The following NANS variants were observed in gnomAD, a reference collection of about 807,000 sequenced individuals.
NANS encodes the protein N-acetylneuraminate-9-phosphate synthase.
In NANS, 29 loss-of-function variants were observed where a neutral mutation model predicts 33.3. The ratio of observed to expected loss-of-function variants is 0.87; its 90% CI spans 0.65 to 1.19. The LOEUF (loss-of-function observed/expected upper bound fraction) is 1.19, where lower values mean the gene tolerates loss of function less well. Among genes scored for constraint, NANS ranks in the 50% most tolerant of loss-of-function variants. NANS has a pLI of 0.00. For synonymous variants in NANS, 163 were observed against 177.2 expected (o/e 0.92, Z 0.64); for missense variants, 394 against 461.1 (o/e 0.85, Z 1.33).
At chr9:98,082,748 G>T in intron 5 of NANS, 98 bp from the exon 6 acceptor site, 2 of 1,155,638 alleles carry the variant, frequency 1.7e-6, no homozygotes, top group East Asian at 5.1e-5. Context: ...CCAAGGTACT[G>T]CCTGGGGAAG....
chr9:98,065,339 T>C (rs1176075095), intron 2 of NANS, among the ~76,000 whole-genome samples: 1 of 121,528 alleles, frequency 8.2e-6, no homozygotes, highest in East Asian at 2.1e-4. Context: ...TGAAACAGAG[T>C]TTCGTTATTG....
At chr9:98,072,820 A>G (rs1038354355) in intron 2 of NANS, among the ~76,000 whole-genome samples, 4 of 152,170 alleles carry the variant, frequency 2.6e-5, no homozygotes, top group Non-Finnish European at 5.9e-5. Flanking sequence ...AGTGGCTCCC[A>G]GTGTTTACCT....
chr9:98,078,162 G>C, intron 3 of NANS, 31 bp from the exon 4 acceptor site: 3 of 1,614,056 alleles, frequency 1.9e-6, no homozygotes, highest in Non-Finnish European at 2.5e-6. Context: ...TAAAGAGAAA[G>C]TGCTGATGGT....
intron 2 of NANS, among the ~76,000 whole-genome samples, chr9:98,065,184 G>T (rs574552319): frequency 6.6e-6 from 1 of 152,162 alleles, no homozygotes; most frequent in South Asian, 2.1e-4. Flanking sequence ...CACAGCCCAG[G>T]AGAGTTTCTG....
At chr9:98,061,142 C>G in intron 2 of NANS, 145 bp downstream of exon 2, 1 of 723,564 alleles carries the variant, frequency 1.4e-6, no homozygotes, top group Non-Finnish European at 2.3e-6. Context: ...GGCGCCAAAG[C>G]CCAGTGAGAA....
chr9:98,077,283 C>G (rs1344288999), intron 3 of NANS, among the ~76,000 whole-genome samples: 1 of 151,916 alleles, frequency 6.6e-6, no homozygotes, highest in African/African-American at 2.4e-5. Flanking sequence ...TTTCAATCAG[C>G]CTGTACTTCC....
chr9:98,078,285 T>C lies in NANS; in HGVS notation c.541T>C (p.Phe181Leu), dbSNP rs1829684150. Residue 181 changes from phenylalanine (F) to leucine (L), a missense_variant, in exon 4 of 6, where the codon TTC becomes CTC. By Grantham distance (22) the Phe-to-Leu change is conservative. Coordinates refer to ENST00000210444, the MANE Select transcript of NANS (RefSeq NM_018946.4). ...GAAGCCCCTCAACCCCAACTTCTGC[T>C]TCTTGCAGTGTACCAGCGCATACCC... is the stretch of plus-strand genomic sequence containing the variant. ...IVKPLNPNFC[F>L]LQCTSAYPLQ... 1 of 1,614,040 alleles carries C rather than the reference T, an allele frequency of 6.2e-7. No individual in the cohort carries two copies. Among genetic ancestry groups the C allele is most frequent in the African/African-American group, 1.3e-5 (1 of 74,984 alleles).
chr9:98,081,123 T>G, intron 5 of NANS, 41 bp downstream of exon 5: 1 of 1,608,198 alleles, frequency 6.2e-7, no homozygotes, highest in Non-Finnish European at 8.5e-7. Context: ...CTGCCGTGTG[T>G]GGAAAAAGGA....
intron 1 of NANS, among the ~76,000 whole-genome samples, chr9:98,060,353 G>T (rs772104060): frequency 1.3e-5 from 2 of 152,080 alleles, no homozygotes; most frequent in South Asian, 4.1e-4. Flanking sequence ...TAAGGTCTCT[G>T]TCAGTCTATG....
chr9:98,059,718 T>C (rs1828922097), intron 1 of NANS, among the ~76,000 whole-genome samples: 1 of 151,976 alleles, frequency 6.6e-6, no homozygotes, highest in South Asian at 2.1e-4. Flanking sequence ...CCTGACCTCT[T>C]GAGTGTTTTT....
intron 2 of NANS, among the ~76,000 whole-genome samples, chr9:98,072,001 C>T (rs1451659301): frequency 2.0e-5 from 3 of 152,112 alleles, no homozygotes; most frequent in Non-Finnish European, 2.9e-5. Context: ...GTGTTTGCAG[C>T]GGGGCTTCCT....
intron 2 of NANS, among the ~76,000 whole-genome samples, chr9:98,070,224 TCTC>T (rs971134187): frequency 6.6e-6 from 1 of 152,158 alleles, no homozygotes; most frequent in Non-Finnish European, 1.5e-5. Context: ...TTCAAGCAGT[TCTC>T]CTGCTTCAGC....
At chr9:98,082,442 G>C (rs1829913489) in intron 5 of NANS, among the ~76,000 whole-genome samples, 1 of 152,226 alleles carries the variant, frequency 6.6e-6, no homozygotes, top group Non-Finnish European at 1.5e-5. Flanking sequence ...GTAACCAAAA[G>C]AATCAGAGTT....
chr9:98,078,432 C>T, intron 4 of NANS, 85 bp downstream of exon 4: 1 of 1,463,662 alleles, frequency 6.8e-7, no homozygotes, highest in South Asian at 1.3e-5. Flanking sequence ...TTCTAACAAA[C>T]ATGGCATACT....
chr9:98,078,132 T>C lies in NANS; in HGVS notation c.449-61T>C, dbSNP rs540471748. The C allele has an allele frequency of 3.7e-6, 6 of 1,607,284 alleles. No homozygotes were observed. In the South Asian group the frequency reaches 4.4e-5, roughly 12 times the overall value. ...TGATGAGACCAGCAGTTGGGATGTG[T>C]TGGGGAGAGTCAGAACCTCTAAAGA... On this transcript the variant is annotated intron_variant, in intron 3 of 5. Transcript: ENST00000210444.
At chr9:98,057,268 G>A (rs1310077149) in intron 1 of NANS, among the ~76,000 whole-genome samples, 2 of 152,216 alleles carry the variant, frequency 1.3e-5, no homozygotes, top group South Asian at 2.1e-4. Context: ...CGCGGGTAGA[G>A]TCGAAACCCT....
At chr9:98,063,324 C>T (rs1383745078) in intron 2 of NANS, among the ~76,000 whole-genome samples, 1 of 152,156 alleles carries the variant, frequency 6.6e-6, no homozygotes, top group African/African-American at 2.4e-5. Flanking sequence ...TCACTGCAAC[C>T]TCTGCCTCCC....
intron 2 of NANS, among the ~76,000 whole-genome samples, chr9:98,065,171 A>ACTCACAGC (rs1829100108): frequency 6.6e-6 from 1 of 152,104 alleles, no homozygotes; most frequent in Admixed American, 6.6e-5. Flanking sequence ...TTCTGGGCGT[A>ACTCACAGC]CTCACAGCCC....
intron 4 of NANS, among the ~76,000 whole-genome samples, chr9:98,079,791 A>G (rs971954297): frequency 1.3e-5 from 2 of 152,178 alleles, no homozygotes; most frequent in African/African-American, 4.8e-5. Flanking sequence ...CTGCCAGCCT[A>G]TCCCATCTTG....
Sources: gnomAD v4.1 joint callset for allele counts (sites outside exome capture counted in the v4.1 genomes callset) on GRCh38, gnomAD v4.1.1 for gene constraint, MANE v1.5 for transcripts, NCBI Gene and HGNC (gene_info 2026-07-23, HGNC 2026-07-21) for gene names.